ADAMTS14: variants seen among roughly 807,000 people sequenced by gnomAD.
The protein encoded by ADAMTS14 is ADAM metallopeptidase with thrombospondin type 1 motif 14.
In ADAMTS14, 100 loss-of-function variants were observed where a neutral mutation model predicts 128.6. The observed-to-expected ratio is 0.78, with a 90% CI of 0.66 to 0.92. ADAMTS14 has a LOEUF of 0.92. Among genes scored for constraint, ADAMTS14 ranks in the 40% least tolerant of loss-of-function variants. The pLI, the probability that ADAMTS14 is intolerant of heterozygous loss-of-function variation, is 0.00. For synonymous variants in ADAMTS14, 665 were observed against 653.8 expected (o/e 1.02, Z -0.26); for missense variants, 1,562 against 1,658.6 (o/e 0.94, Z 1.01).
intron 2 of ADAMTS14, 107 bp downstream of exon 2, chr10:70,675,102 G>GTGGTGC: frequency 7.4e-7 from 1 of 1,353,594 alleles, no homozygotes; most frequent in South Asian, 1.3e-5. Context: ...CAAGGCAGGG[G>GTGGTGC]TGGTGCTGCC....
At chr10:70,729,194 C>T (rs1234727324) in intron 4 of ADAMTS14, 100 bp from the exon 5 acceptor site, 12 of 997,976 alleles carry the variant, frequency 1.2e-5, no homozygotes, top group Admixed American at 1.8e-5. Context: ...GATAAGGTCA[C>T]GGTGGGGATA....
At chr10:70,727,478 A>C (rs1222428431) in intron 4 of ADAMTS14, among the ~76,000 whole-genome samples, 4 of 152,234 alleles carry the variant, frequency 2.6e-5, no homozygotes, top group Non-Finnish European at 5.9e-5. Context: ...CTAGGAAGCC[A>C]TGTGGGCAGG....
chr10:70,732,428 T>C, intron 7 of ADAMTS14, 69 bp downstream of exon 7: 1 of 1,401,924 alleles, frequency 7.1e-7, no homozygotes, highest in East Asian at 2.3e-5. Flanking sequence ...TCTGTGGCTG[T>C]GGGAGGATTT....
At chr10:70,736,915 G>T (rs923209188) in intron 10 of ADAMTS14, 122 bp downstream of exon 10, 2 of 848,918 alleles carry the variant, frequency 2.4e-6, no homozygotes, top group Non-Finnish European at 3.7e-6. Context: ...TGAGTTGAGG[G>T]TGGTGCTAAA....
rs376839367 is a variant in ADAMTS14 at position 70,730,071 on chromosome 10, G to A, written c.955-31G>A. 85 of 1,559,618 alleles carry A rather than the reference G, an allele frequency of 5.5e-5. No individual in the cohort carries two copies. In the African/African-American group the frequency reaches 8.0e-4, roughly 15 times the overall value. On this transcript the variant is annotated intron_variant, in intron 5 of 21. Coordinates refer to ENST00000373207, the MANE Select transcript of ADAMTS14 (RefSeq NM_080722.4). Reference sequence around the variant, plus strand: ...TGTTTCTAGGGCTCTGACCCTCCACGTGGCTGTTGGTGCTCTCCCGGCCCC... The same window carrying A: ...TGTTTCTAGGGCTCTGACCCTCCACATGGCTGTTGGTGCTCTCCCGGCCCC...
At chr10:70,708,524 G>A in intron 3 of ADAMTS14, 64 bp from the exon 4 acceptor site, 3 of 1,444,826 alleles carry the variant, frequency 2.1e-6, no homozygotes, top group African/African-American at 1.4e-5. Flanking sequence ...TGGGTGGTGG[G>A]CAATGTCACA....
chr10:70,695,430 G>T (rs911626533), intron 2 of ADAMTS14, among the ~76,000 whole-genome samples: 9 of 152,160 alleles, frequency 5.9e-5, no homozygotes, highest in Non-Finnish European at 1.5e-5. Context: ...GGGTGTGGGG[G>T]TGTGAGGGGT....
chr10:70,672,691 C>A lies in ADAMTS14; in HGVS notation c.-112C>A, dbSNP rs976033033. 5.6e-6 allele frequency: 4 copies of A among 710,478 alleles called. No individual in the cohort carries two copies. Among genetic ancestry groups the A allele is most frequent in the Non-Finnish European group, 7.4e-6 (4 of 538,812 alleles). The allele number at this position is 710,478 out of a possible 1,614,324, so 44.0% of individuals were successfully genotyped here. On this transcript the variant is annotated 5_prime_UTR_variant, in exon 1 of 22. Transcript: ENST00000373207. ...GGCGGGGAGGCGGCTGAGGCGGCAG[C>A]GGCGGCAGCCAGCCGGTGCTCCGAC...
chr10:70,674,718 A>C lies in ADAMTS14; in HGVS notation c.245A>C (p.His82Pro), dbSNP rs1243202565. 3.5e-5 allele frequency: 57 copies of C among 1,613,262 alleles called. No individual in the cohort carries two copies. The highest frequency in any genetic ancestry group is 4.7e-5 in the Non-Finnish European group (55 of 1,179,968). The stretch of plus-strand genomic sequence containing the variant: ...CCCACACTACCACGACACTCCAGTC[A>C]CCTCCGGGTGGCTCGCAGCCCTCTG... ...TPPTLPRHSS[H>P]LRVARSPLHP... The change falls in exon 2 of 22, where the codon CAC (histidine) becomes CCC (proline). Residue 82 changes from histidine to proline, a missense_variant. Physicochemically the swap from His to Pro is moderately conservative, Grantham distance 77. Transcript: ENST00000373207.
At chr10:70,723,831 C>T (rs1370607875) in intron 4 of ADAMTS14, among the ~76,000 whole-genome samples, 1 of 152,166 alleles carries the variant, frequency 6.6e-6, no homozygotes, top group Non-Finnish European at 1.5e-5. Context: ...GAAAGCCCAC[C>T]CCAGCCACCC....
At chr10:70,712,666 G>T (rs542105315) in intron 4 of ADAMTS14, among the ~76,000 whole-genome samples, 1 of 152,300 alleles carries the variant, frequency 6.6e-6, no homozygotes, top group African/African-American at 2.4e-5. Context: ...GGAATTTTGC[G>T]TTGCTCTTAG....
chr10:70,740,183 A>G (rs981172573), intron 11 of ADAMTS14, among the ~76,000 whole-genome samples: 1 of 152,152 alleles, frequency 6.6e-6, no homozygotes, highest in East Asian at 1.9e-4. Context: ...TATAGTAATC[A>G]TTATTATAGT....
chr10:70,695,891 A>G (rs1050407108), intron 2 of ADAMTS14, among the ~76,000 whole-genome samples: 2 of 152,196 alleles, frequency 1.3e-5, no homozygotes, highest in African/African-American at 4.8e-5. Context: ...TGATGGGAGG[A>G]GCTGTGTGAG....
intron 6 of ADAMTS14, among the ~76,000 whole-genome samples, chr10:70,731,344 G>A (rs961499193): frequency 2.6e-5 from 4 of 152,226 alleles, no homozygotes; most frequent in African/African-American, 9.6e-5. Flanking sequence ...GACAACAGAG[G>A]CCCCAGAAAC....
chr10:70,729,352 G>T lies in ADAMTS14; in HGVS notation c.929G>T (p.Arg310Leu). The change falls in exon 5 of 22, where the codon CGC becomes CTC. Residue 310 changes from arginine to leucine, a missense_variant. Physicochemically the swap from Arg to Leu is moderately radical, Grantham distance 102. Coordinates refer to ENST00000373207, the MANE Select transcript of ADAMTS14 (RefSeq NM_080722.4). ...LGVHINIALV[R>L]LIMVGYRQSL... is the part of the protein sequence containing the mutation. ...GTTCATATAAATATTGCCCTCGTCCGCTTGATCATGGTTGGCTACCGACAG... is the reference window on the plus strand; with the variant it reads ...GTTCATATAAATATTGCCCTCGTCCTCTTGATCATGGTTGGCTACCGACAG... 1.2e-6 allele frequency: 2 copies of T among 1,613,808 alleles called. No individual in the cohort carries two copies. The highest frequency in any genetic ancestry group is 1.7e-6 in the Non-Finnish European group (2 of 1,179,914).
chr10:70,678,332 A>G (rs1281616306), intron 2 of ADAMTS14, among the ~76,000 whole-genome samples: 1 of 152,128 alleles, frequency 6.6e-6, no homozygotes, highest in African/African-American at 2.4e-5. Flanking sequence ...GCAGGGGGAA[A>G]CCCACCAGTA....
chr10:70,695,035 A>G (rs147434103), intron 2 of ADAMTS14, among the ~76,000 whole-genome samples: 4 of 152,158 alleles, frequency 2.6e-5, no homozygotes, highest in Admixed American at 6.5e-5. Context: ...GCCAACCAAC[A>G]CTGGTTATCT....
At chr10:70,724,282 G>A (rs955793434) in intron 4 of ADAMTS14, among the ~76,000 whole-genome samples, 1 of 152,330 alleles carries the variant, frequency 6.6e-6, no homozygotes, top group African/African-American at 2.4e-5. Flanking sequence ...TGAACATGGC[G>A]CAGAGGTGAC....
intron 2 of ADAMTS14, among the ~76,000 whole-genome samples, chr10:70,677,468 G>A (rs547757648): frequency 6.6e-6 from 1 of 152,180 alleles, no homozygotes. Context: ...TGTGGCATTT[G>A]CTGAAGCCGG....
Sources: allele counts gnomAD v4.1 joint callset (sites outside exome capture counted in the v4.1 genomes callset), GRCh38; gene constraint gnomAD v4.1.1; transcripts MANE v1.5; gene names NCBI Gene and HGNC (gene_info 2026-07-23, HGNC 2026-07-21).